The following ADGRL3 variants were observed in gnomAD, a reference collection of about 807,000 sequenced individuals.
ADGRL3 encodes the protein adhesion G protein-coupled receptor L3.
In ADGRL3, 62 loss-of-function variants were observed where a neutral mutation model predicts 153.5. The observed-to-expected ratio is 0.40, with a 90% confidence interval of 0.33 to 0.50. The LOEUF (loss-of-function observed/expected upper bound fraction) is 0.50, where lower values mean the gene tolerates loss of function less well. Among genes scored for constraint, ADGRL3 ranks in the 20% least tolerant of loss-of-function variants. The pLI is 0.47. For synonymous variants in ADGRL3, 710 were observed against 672.5 expected, an observed-to-expected ratio of 1.06 and a Z score of -0.86; for missense variants, 1,641 against 1,859.4, an observed-to-expected ratio of 0.88 and a Z score of 2.16.
intron 23 of ADGRL3, 140 bp from the exon 24 acceptor site, chr4:62,037,591 T>C: frequency 1.1e-6 from 1 of 936,346 alleles, no homozygotes; most frequent in South Asian, 1.6e-5. Context: ...TTGTAAAATA[T>C]ATGCTGAACA....
chr4:61,730,116 T>C (rs138349613), intron 6 of ADGRL3, among the ~76,000 whole-genome samples: 88 of 152,084 alleles, frequency 5.8e-4, no homozygotes, highest in African/African-American at 2.0e-3. Context: ...ACTGACAAGC[T>C]ACAGGAAATC....
intron 4 of ADGRL3, among the ~76,000 whole-genome samples, chr4:61,544,303 A>G (rs2098703743): frequency 6.6e-6 from 1 of 151,992 alleles, no homozygotes; most frequent in Non-Finnish European, 1.5e-5. Context: ...CATTGTTTTG[A>G]TTTGCATTTC....
chr4:61,312,573 A>G (rs1438476839), intron 1 of ADGRL3, among the ~76,000 whole-genome samples: 1 of 152,214 alleles, frequency 6.6e-6, no homozygotes, highest in Admixed American at 6.5e-5. Context: ...CAATTTAAAA[A>G]TTGGCAAAAG....
chr4:61,336,049 G>A (rs2151045556), intron 1 of ADGRL3, among the ~76,000 whole-genome samples: 1 of 152,106 alleles, frequency 6.6e-6, no homozygotes, highest in Middle Eastern at 3.4e-3. Context: ...ATATATATAT[G>A]GATAAGGTAT....
intron 1 of ADGRL3, among the ~76,000 whole-genome samples, chr4:61,227,128 G>A: frequency 6.8e-6 from 1 of 146,880 alleles, no homozygotes; most frequent in East Asian, 2.5e-4. Flanking sequence ...ATGAATGAAG[G>A]AGTAACACTT....
intron 1 of ADGRL3, among the ~76,000 whole-genome samples, chr4:61,235,730 C>G (rs1311902269): frequency 1.3e-5 from 2 of 152,178 alleles, no homozygotes; most frequent in Non-Finnish European, 1.5e-5. Flanking sequence ...CTTGACTAAC[C>G]TATGGAAGCC....
intron 5 of ADGRL3, among the ~76,000 whole-genome samples, chr4:61,600,509 A>G (rs2099007064): frequency 6.6e-6 from 1 of 152,098 alleles, no homozygotes; most frequent in South Asian, 2.1e-4. Context: ...AAATCTTTAC[A>G]ATAGGCTTTG....
In ADGRL3 at chr4:61,858,388, C is replaced by T. The variant is rs184572169; in HGVS notation, c.1481-34268C>T. Reference sequence around the variant, plus strand: ...CTGTAATCCCAGCACTTTGGGAGGCCGAGGCAGGTGGATCACCAGGTCAGG... The same window carrying T: ...CTGTAATCCCAGCACTTTGGGAGGCTGAGGCAGGTGGATCACCAGGTCAGG... On this transcript the variant is annotated intron_variant, in intron 9 of 26. Coordinates refer to ENST00000683033, the MANE Select transcript of ADGRL3 (RefSeq NM_001387552.1). Among the ~76,000 whole-genome samples, 328 of 152,136 alleles carry T rather than the reference C, an allele frequency of 2.2e-3. 2 individuals carry two copies. The highest frequency in any genetic ancestry group is 7.4e-3 in the African/African-American group (307 of 41,494).
At position 61,200,501 on chromosome 4, in the gene ADGRL3, G is replaced by GCGCCGCCGCCGCCGCCGCCGC. The variant is rs35918477; in HGVS notation, c.-1500_-1480dup. Reference sequence around the variant, plus strand: ...CAGATGCTGCAGCTGGTCGGGGTGGGCGCCGCCGCCGCCGCCGCCGCCGCT... The same window carrying GCGCCGCCGCCGCCGCCGCCGC: ...CAGATGCTGCAGCTGGTCGGGGTGGGCGCCGCCGCCGCCGCCGCCGCCGCCGCCGCCGCCGCCGCCGCCGCT... On this transcript the variant is annotated 5_prime_UTR_variant, in exon 1 of 27. Coordinates refer to ENST00000683033, the MANE Select transcript of ADGRL3 (RefSeq NM_001387552.1). 2.0e-5 allele frequency among the ~76,000 whole-genome samples: 3 copies of GCGCCGCCGCCGCCGCCGCCGC among 150,412 alleles called. No homozygotes were observed. The highest frequency in any genetic ancestry group is 7.3e-5 in the African/African-American group (3 of 40,916).
At chr4:61,368,075 T>G (rs1293132903) in intron 1 of ADGRL3, among the ~76,000 whole-genome samples, 1 of 151,800 alleles carries the variant, frequency 6.6e-6, no homozygotes, top group Non-Finnish European at 1.5e-5. Flanking sequence ...GCCCACTTTT[T>G]GATGGGGTTG....
chr4:61,815,588 T>C (rs1201439106), intron 9 of ADGRL3, among the ~76,000 whole-genome samples: 12 of 152,240 alleles, frequency 7.9e-5, no homozygotes, highest in Admixed American at 7.8e-4. Context: ...CTGAGGTTTC[T>C]ATATTGATTA....
intron 12 of ADGRL3, among the ~76,000 whole-genome samples, chr4:61,910,303 C>T (rs2098716327): frequency 6.6e-6 from 1 of 151,828 alleles, no homozygotes; most frequent in Non-Finnish European, 1.5e-5. Flanking sequence ...TGAAATCACT[C>T]AGATTTTGTA....
chr4:61,573,147 C>A (rs1347726328), intron 4 of ADGRL3, among the ~76,000 whole-genome samples: 1 of 151,920 alleles, frequency 6.6e-6, no homozygotes, highest in Non-Finnish European at 1.5e-5. Context: ...TATTGCTATC[C>A]AGCAGGATAT....
intron 3 of ADGRL3, among the ~76,000 whole-genome samples, chr4:61,511,775 G>A (rs1447950601): frequency 2.0e-5 from 3 of 152,096 alleles, no homozygotes; most frequent in Non-Finnish European, 4.4e-5. Context: ...TAGCTTAGCT[G>A]TTTTCTTATA....
At chr4:61,981,060 T>C (rs2150832506) in intron 18 of ADGRL3, among the ~76,000 whole-genome samples, 1 of 152,322 alleles carries the variant, frequency 6.6e-6, no homozygotes, top group South Asian at 2.1e-4. Flanking sequence ...TGACAAATTG[T>C]CTTCCAAAGT....
At chr4:61,727,673 T>A in intron 6 of ADGRL3, among the ~76,000 whole-genome samples, 1 of 152,102 alleles carries the variant, frequency 6.6e-6, no homozygotes, top group East Asian at 1.9e-4. Flanking sequence ...CCCATATACT[T>A]TTTCTTCTTT....
chr4:61,757,163 T>A (rs1266946914), intron 8 of ADGRL3, among the ~76,000 whole-genome samples: 2 of 152,290 alleles, frequency 1.3e-5, no homozygotes, highest in South Asian at 2.1e-4. Flanking sequence ...TTCCCTCTTT[T>A]TGTATTGATT....
At chr4:61,332,783 G>A (rs1302402183) in intron 1 of ADGRL3, among the ~76,000 whole-genome samples, 1 of 152,034 alleles carries the variant, frequency 6.6e-6, no homozygotes, top group African/African-American at 2.4e-5. Context: ...GGGGTTGAAA[G>A]AAAGCCGTCA....
In ADGRL3 at chr4:62,076,322, T is replaced by C. The variant is rs1747136130; in HGVS notation, c.*5414T>C. 6.6e-6 allele frequency: 1 copy of C among 152,088 alleles called. No homozygotes were observed. The highest frequency in any genetic ancestry group is 2.4e-5 in the African/African-American group (1 of 41,452). 9.4% of individuals were successfully genotyped at this position (152,088 alleles called of 1,614,324 possible). A position where few individuals can be genotyped will look rare whatever the true frequency, so the allele number is the denominator to read the frequency against. On this transcript the variant is annotated 3_prime_UTR_variant, in exon 27 of 27. Transcript: ENST00000683033. ...TGATAATTTGTGTCCCGTTACAGTA[T>C]TTCAAAGGTAAATGCAAACTAATTT...
Sources: gnomAD v4.1 joint callset for allele counts (sites outside exome capture counted in the v4.1 genomes callset) on GRCh38, gnomAD v4.1.1 for gene constraint, MANE v1.5 for transcripts, NCBI Gene and HGNC (gene_info 2026-07-23, HGNC 2026-07-21) for gene names.